Variants in GABBR2 observed in about 807,000 individuals in gnomAD.
GABBR2 encodes gamma-aminobutyric acid type B receptor subunit 2.
GABBR2 carries 23 observed loss-of-function variants against 105.6 expected under a neutral mutation model. The observed-to-expected ratio is 0.22, with a 90% CI of 0.16 to 0.31. The LOEUF (loss-of-function observed/expected upper bound fraction) is 0.31. Among genes scored for constraint, GABBR2 ranks in the 10% least tolerant of loss-of-function variants. The pLI is 1.00. For synonymous variants in GABBR2, 478 were observed against 499.7 expected (o/e 0.96, Z 0.58); for missense variants, 734 against 1,245.5 (o/e 0.59, Z 6.18).
chr9:98,459,068 G>A (rs1305997564), intron 6 of GABBR2, among the ~76,000 whole-genome samples: 3 of 152,140 alleles, frequency 2.0e-5, no homozygotes, highest in South Asian at 2.1e-4. Flanking sequence ...CGCATGCTAC[G>A]TGTTCCTGCG....
chr9:98,539,734 G>A (rs150028540), intron 3 of GABBR2, among the ~76,000 whole-genome samples: 35 of 152,094 alleles, frequency 2.3e-4, no homozygotes, highest in African/African-American at 8.2e-4. Context: ...TAGCCAATAT[G>A]GTGAAACCCC....
chr9:98,344,878 T>G (rs1564025323), intron 13 of GABBR2, among the ~76,000 whole-genome samples: 1 of 152,160 alleles, frequency 6.6e-6, no homozygotes, highest in Non-Finnish European at 1.5e-5. Flanking sequence ...ACTACTCTTT[T>G]GTCCACTGGG....
chr9:98,406,156 A>G lies in GABBR2; in HGVS notation c.1237-15T>C, dbSNP rs1461519298. 3.3e-6 allele frequency: 5 copies of G among 1,505,130 alleles called. No homozygotes were observed. The South Asian group carries it at 6.1e-5, about 18-fold the overall frequency. 93.2% of individuals were successfully genotyped at this position (1,505,130 alleles called of 1,614,324 possible). On this transcript the variant is annotated splice_polypyrimidine_tract_variant and intron_variant, in intron 7 of 18. Transcript: ENST00000259455. ...ACAACTTGACCCTAAAAACAAAACA[A>G]AACAAATCAAACAAGAATAAAAGAG...
At chr9:98,320,723 C>T (rs1031826001) in intron 13 of GABBR2, among the ~76,000 whole-genome samples, 5 of 149,840 alleles carry the variant, frequency 3.3e-5, no homozygotes, top group African/African-American at 9.9e-5. Flanking sequence ...TAAACTATCG[C>T]AAGAACAAAA....
intron 1 of GABBR2, among the ~76,000 whole-genome samples, chr9:98,699,089 A>G (rs117258654): frequency 5.3e-5 from 8 of 152,210 alleles, no homozygotes; most frequent in East Asian, 1.9e-4. Context: ...CCAGAGCCCA[A>G]TCTAGCCTCC....
At chr9:98,551,216 G>A (rs111572110) in intron 2 of GABBR2, among the ~76,000 whole-genome samples, 2 of 152,192 alleles carry the variant, frequency 1.3e-5, no homozygotes, top group African/African-American at 4.8e-5. Flanking sequence ...CAGCCTGGCC[G>A]ACATGGTGAA....
intron 13 of GABBR2, among the ~76,000 whole-genome samples, chr9:98,329,763 G>A (rs975005675): frequency 1.3e-5 from 2 of 151,872 alleles, no homozygotes; most frequent in Admixed American, 1.3e-4. Context: ...ACACACCCTT[G>A]TGTATTCTCC....
chr9:98,361,374 C>A (rs1048101927), intron 13 of GABBR2, among the ~76,000 whole-genome samples: 2 of 120,166 alleles, frequency 1.7e-5, no homozygotes, highest in African/African-American at 9.2e-5. Flanking sequence ...TCATCATCAT[C>A]GCTCTTATCA....
intron 13 of GABBR2, among the ~76,000 whole-genome samples, chr9:98,348,316 A>T (rs565079431): frequency 6.6e-6 from 1 of 152,324 alleles, no homozygotes; most frequent in East Asian, 1.9e-4. Context: ...TACAAATATC[A>T]TCTGCTTTGG....
At chr9:98,438,513 A>G (rs1008342429) in intron 7 of GABBR2, among the ~76,000 whole-genome samples, 3 of 152,280 alleles carry the variant, frequency 2.0e-5, no homozygotes, top group Non-Finnish European at 4.4e-5. Flanking sequence ...GAAAACAGAG[A>G]TAAATCTCAG....
At chr9:98,344,723 T>C (rs1831275208) in intron 13 of GABBR2, among the ~76,000 whole-genome samples, 1 of 152,172 alleles carries the variant, frequency 6.6e-6, no homozygotes, top group South Asian at 2.1e-4. Context: ...GGCTGTTTAA[T>C]CACTCAGTGA....
chr9:98,602,207 C>T (rs929179508), intron 1 of GABBR2, among the ~76,000 whole-genome samples: 3 of 150,214 alleles, frequency 2.0e-5, no homozygotes, highest in Non-Finnish European at 3.0e-5. Context: ...GGTGCGGTGG[C>T]TCACGCTTGT....
At chr9:98,527,799 G>A (rs1021622719) in intron 3 of GABBR2, among the ~76,000 whole-genome samples, 5 of 152,108 alleles carry the variant, frequency 3.3e-5, no homozygotes, top group African/African-American at 1.2e-4. Flanking sequence ...AAACAAAAAT[G>A]CCAAGAATTA....
intron 1 of GABBR2, among the ~76,000 whole-genome samples, chr9:98,640,660 G>T (rs1829947370): frequency 6.6e-6 from 1 of 152,108 alleles, no homozygotes; most frequent in Non-Finnish European, 1.5e-5. Context: ...TGTGTTTTGC[G>T]GGCCCAGAGC....
At chr9:98,480,645 T>C (rs1826899308) in intron 5 of GABBR2, among the ~76,000 whole-genome samples, 3 of 152,128 alleles carry the variant, frequency 2.0e-5, no homozygotes, top group African/African-American at 7.2e-5. Flanking sequence ...CTCACCCTGA[T>C]TTCTGGTATC....
intron 10 of GABBR2, among the ~76,000 whole-genome samples, chr9:98,387,567 A>G (rs1253918627): frequency 1.3e-5 from 2 of 152,110 alleles, no homozygotes; most frequent in Admixed American, 1.3e-4. Context: ...AGGAGAAGAA[A>G]ACTCTTTTCT....
intron 3 of GABBR2, among the ~76,000 whole-genome samples, chr9:98,530,648 G>A (rs1393596461): frequency 3.3e-5 from 5 of 152,160 alleles, no homozygotes; most frequent in Non-Finnish European, 7.3e-5. Flanking sequence ...AACCAGGCGC[G>A]GTGGCGTGTG....
intron 1 of GABBR2, among the ~76,000 whole-genome samples, chr9:98,604,227 C>T (rs1252931181): frequency 2.0e-5 from 3 of 152,304 alleles, no homozygotes; most frequent in South Asian, 2.1e-4. Context: ...AAGTTTGAGA[C>T]GCCAGCTCAT....
intron 11 of GABBR2, among the ~76,000 whole-genome samples, chr9:98,385,004 G>A (rs1349246293): frequency 2.0e-5 from 3 of 152,210 alleles, no homozygotes; most frequent in Non-Finnish European, 4.4e-5. Flanking sequence ...ATATAACTCA[G>A]TCAGACATAC....
Sources: gnomAD v4.1 joint callset for allele counts (sites outside exome capture counted in the v4.1 genomes callset) on GRCh38, gnomAD v4.1.1 for gene constraint, MANE v1.5 for transcripts, NCBI Gene and HGNC (gene_info 2026-07-23, HGNC 2026-07-21) for gene names.